Variants in PRG2 observed in about 807,000 individuals in gnomAD.
PRG2 encodes proteoglycan 2, pro eosinophil major basic protein, also known as bone marrow proteoglycan.
Under a neutral mutation model 24.7 loss-of-function variants are expected in PRG2, and 23 were observed. The observed-to-expected ratio is 0.93, with a 90% confidence interval of 0.67 to 1.32. The LOEUF (loss-of-function observed/expected upper bound fraction) is 1.32. Among genes scored for constraint, PRG2 ranks in the 40% most tolerant of loss-of-function variants. PRG2 has a pLI of 0.00. For missense variants in PRG2, 271 were observed against 280.9 expected (o/e 0.96, Z 0.25); for synonymous variants, 104 against 99.8 (o/e 1.04, Z -0.25).
Position 57,387,202 on chromosome 11 carries a change from CA to C in PRG2, c.*272del. The C allele has an allele frequency of 2.6e-6, 1 of 378,946 alleles. No homozygotes were observed. The highest frequency in any genetic ancestry group is 5.2e-5 in the East Asian group (1 of 19,356). 23.5% of individuals were successfully genotyped at this position (378,946 alleles called of 1,614,324 possible). A position where few individuals can be genotyped will look rare whatever the true frequency, so the allele number is the denominator to read the frequency against. On this transcript the variant is annotated 3_prime_UTR_variant, in exon 6 of 6. Transcript: ENST00000311862. ...CTAGCTGAGCCCATTCCTCCATCTC[CA>C]AAAGGCTCCATAGACCCAACTCCAC...
At position 57,387,821 on chromosome 11, in the gene PRG2, G is replaced by T; in HGVS notation, c.543C>A (p.Asn181Lys). ...RFQWVDGSRW[N>K]FAYWAAHQPW... ...GCTGGTGAGCAGCCCAGTATGCAAAGTTCCAGCGGCTGCCGTCAACCCACT... is the reference window on the plus strand; with the variant it reads ...GCTGGTGAGCAGCCCAGTATGCAAATTTCCAGCGGCTGCCGTCAACCCACT... Residue 181 changes from asparagine (N) to lysine (K), a missense_variant, in exon 5 of 6, where the codon AAC (asparagine) becomes AAA (lysine). By Grantham distance (94) the Asn-to-Lys change is moderately conservative. Transcript: ENST00000311862. The T allele has an allele frequency of 6.3e-7, 1 of 1,583,784 alleles. No individual in the cohort carries two copies. Among genetic ancestry groups the T allele is most frequent in the Non-Finnish European group, 8.6e-7 (1 of 1,165,330 alleles).
At chr11:57,387,891 G>A in intron 4 of PRG2, 26 bp from the exon 5 acceptor site, 1 of 1,514,718 alleles carries the variant, frequency 6.6e-7, no homozygotes, top group Non-Finnish European at 8.9e-7. Flanking sequence ...GGGGAAGAAG[G>A]GATGGGGCAG....
chr11:57,389,041 A>C lies in PRG2; in HGVS notation c.335T>G (p.Val112Gly), dbSNP rs778708743. Residue 112 changes from valine to glycine, a missense_variant, in exon 3 of 6, where the codon GTG (valine) becomes GGG (glycine). Coordinates refer to ENST00000311862, the MANE Select transcript of PRG2 (RefSeq NM_002728.6). ...TTGACTAAACGTCTGAAGACTTCTC[A>C]CCAGGAGGTAGCGGCAGGTCTGGCA... is the stretch of plus-strand genomic sequence containing the variant. ...PGCQTCRYLL[V>G]RSLQTFSQAW... is the part of the protein sequence containing the mutation. 1.8e-5 allele frequency: 29 copies of C among 1,613,972 alleles called. No homozygotes were observed. Among genetic ancestry groups the C allele is most frequent in the Non-Finnish European group, 3.4e-6 (4 of 1,180,002 alleles).
rs776467337 is a variant in PRG2, at chr11:57,388,567, C to T, written c.498+10G>A. On this transcript the variant is annotated intron_variant, in intron 4 of 5. Transcript: ENST00000311862. ...AGGTGCACCCCATTTAGTGTTCACA[C>T]TTCTCTTACCGAGCCTGTGATCCTG... 6 of 1,613,646 alleles carry T rather than the reference C, an allele frequency of 3.7e-6. No individual in the cohort carries two copies. The highest frequency in any genetic ancestry group is 2.7e-5 in the African/African-American group (2 of 74,904).
chr11:57,388,457 G>A (rs947805593), intron 4 of PRG2, 120 bp downstream of exon 4: 3 of 1,447,138 alleles, frequency 2.1e-6, no homozygotes, highest in African/African-American at 2.8e-5. Flanking sequence ...GTCTGTGGGT[G>A]TCCATCTATC....
At position 57,389,938 on chromosome 11, in the gene PRG2, G is replaced by A; in HGVS notation, c.7C>T (p.Leu3Phe). The change falls in exon 2 of 6, where the codon CTC becomes TTC. Residue 3 changes from leucine to phenylalanine, a missense_variant. Physicochemically the swap from Leu to Phe is conservative, Grantham distance 22. Transcript: ENST00000311862. ...AATAGAAGAGCCAGAAGTAAGGGGAGTTTCATCTTGGCTTTATCCTGCAAC... is the reference window on the plus strand; with the variant it reads ...AATAGAAGAGCCAGAAGTAAGGGGAATTTCATCTTGGCTTTATCCTGCAAC... MK[L>F]PLLLALLFGA... 6.2e-7 allele frequency: 1 copy of A among 1,612,086 alleles called. No homozygotes were observed. Among genetic ancestry groups the A allele is most frequent in the Non-Finnish European group, 8.5e-7 (1 of 1,178,630 alleles).
At position 57,387,008 on chromosome 11, in the gene PRG2, T is replaced by C. The variant is rs1170124387; in HGVS notation, c.*467A>G. Reference sequence around the variant, plus strand: ...TTGTGGACTGTTCCCAGGGACATGTTAACTTCCTTACATATAAAACCAACC... The same window carrying C: ...TTGTGGACTGTTCCCAGGGACATGTCAACTTCCTTACATATAAAACCAACC... On this transcript the variant is annotated 3_prime_UTR_variant, in exon 6 of 6. Transcript: ENST00000311862. 2.0e-5 allele frequency: 3 copies of C among 153,360 alleles called. No homozygotes were observed. The highest frequency in any genetic ancestry group is 6.5e-5 in the Admixed American group (1 of 15,334). The allele number at this position is 153,360 out of a possible 1,614,324, so 9.5% of individuals were successfully genotyped here.
Position 57,389,291 on chromosome 11 carries a change from G to C in PRG2, c.85C>G (p.Pro29Ala). Residue 29 changes from proline (P) to alanine (A), a missense_variant, in exon 3 of 6, where the codon CCT becomes GCT. Physicochemically the swap from Pro to Ala is conservative, Grantham distance 27 (BLOSUM62 -1). Transcript: ENST00000311862. ...TCAGGCAGCGTCTTAGCACCCAAAGGGGTCTCAAAGGTGGAAGTCTCAGAC... is the reference window on the plus strand; with the variant it reads ...TCAGGCAGCGTCTTAGCACCCAAAGCGGTCTCAAAGGTGGAAGTCTCAGAC... ...LRSETSTFET[P>A]LGAKTLPEDE... 6.2e-7 allele frequency: 1 copy of C among 1,613,110 alleles called. No homozygotes were observed. The highest frequency in any genetic ancestry group is 1.1e-5 in the South Asian group (1 of 91,080).
chr11:57,388,747 T>C (rs1565083851), intron 3 of PRG2, 39 bp from the exon 4 acceptor site: 1 of 1,607,666 alleles, frequency 6.2e-7, no homozygotes, highest in Non-Finnish European at 8.5e-7. Context: ...GGAGCATCCT[T>C]CCTACATGAA....
At position 57,388,597 on chromosome 11, in the gene PRG2, C is replaced by A. The variant is rs757730004; in HGVS notation, c.478G>T (p.Gly160Ter). The A allele has an allele frequency of 1.9e-6, 3 of 1,613,844 alleles. No individual in the cohort carries two copies. The highest frequency in any genetic ancestry group is 2.5e-6 in the Non-Finnish European group (3 of 1,179,896). ...CTTACCGAGCCTGTGATCCTGCCTC[C>A]AATCCAGACTTGACCCTGGTTGAGC... is the stretch of plus-strand genomic sequence containing the variant. The part of the protein sequence containing the change: ...SALNQGQVWI[G>*]GRITGSGRCR... The change falls in exon 4 of 6, where the codon GGA (glycine) becomes TGA (stop). Residue 160 changes from glycine (G) to a stop codon, truncating the protein, a stop_gained. Coordinates refer to ENST00000311862, the MANE Select transcript of PRG2 (RefSeq NM_002728.6). LOFTEE classifies it high-confidence loss of function.
intron 1 of PRG2, 80 bp from the exon 2 acceptor site, chr11:57,390,036 G>T: frequency 8.3e-7 from 1 of 1,204,868 alleles, no homozygotes; most frequent in Non-Finnish European, 1.2e-6. Flanking sequence ...TTAGGGGACC[G>T]TGGGAGTGAG....
In PRG2 at chr11:57,387,470, C is replaced by T. The variant is rs1176056974; in HGVS notation, c.*5G>A. 3 of 1,613,480 alleles carry T rather than the reference C, an allele frequency of 1.9e-6. No homozygotes were observed. The highest frequency in any genetic ancestry group is 2.5e-6 in the Non-Finnish European group (3 of 1,179,748). On this transcript the variant is annotated 3_prime_UTR_variant, in exon 6 of 6. Transcript: ENST00000311862. ...GGCAGCTCTGAACTGCTGGCTGGGACCAGCTCAGTAGGAACAGATGAAAGG... is the reference window on the plus strand; with the variant it reads ...GGCAGCTCTGAACTGCTGGCTGGGATCAGCTCAGTAGGAACAGATGAAAGG...
intron 3 of PRG2, 104 bp from the exon 4 acceptor site, chr11:57,388,812 A>C: frequency 6.6e-7 from 1 of 1,516,952 alleles, no homozygotes; most frequent in South Asian, 1.3e-5. Context: ...TGCCACAACC[A>C]TTTGAAGGTT....
At chr11:57,390,229 G>A (rs1039313555) in intron 1 of PRG2, among the ~76,000 whole-genome samples, 3 of 152,060 alleles carry the variant, frequency 2.0e-5, no homozygotes, top group Non-Finnish European at 2.9e-5. Context: ...GGACTATTAC[G>A]CTTATTTGTT....
chr11:57,387,215 A>AGACCCAACTCCACCCTCCATC lies in PRG2; in HGVS notation c.*239_*259dup. ...TTCCTCCATCTCCAAAAGGCTCCAT[A>AGACCCAACTCCACCCTCCATC]GACCCAACTCCACCCTCCATCCTCC... On this transcript the variant is annotated 3_prime_UTR_variant, in exon 6 of 6. Coordinates refer to ENST00000311862, the MANE Select transcript of PRG2 (RefSeq NM_002728.6). The AGACCCAACTCCACCCTCCATC allele has an allele frequency of 2.4e-6, 1 of 421,680 alleles. No homozygotes were observed. The allele number at this position is 421,680 out of a possible 1,614,324, so 26.1% of individuals were successfully genotyped here. A position where few individuals can be genotyped will look rare whatever the true frequency, so the allele number is the denominator to read the frequency against.
intron 4 of PRG2, 126 bp downstream of exon 4, chr11:57,388,451 G>T (rs192245536): frequency 8.4e-6 from 12 of 1,422,880 alleles, no homozygotes; most frequent in Non-Finnish European, 9.6e-6. Flanking sequence ...AGTGTTGTCT[G>T]TGGGTGTCCA....
chr11:57,387,898 GC>G (rs1419367939), intron 4 of PRG2, 33 bp from the exon 5 acceptor site: 2 of 1,477,930 alleles, frequency 1.4e-6, no homozygotes, highest in Non-Finnish European at 1.8e-6. Context: ...AAGGGATGGG[GC>G]AGAGGGAAGG....
intron 2 of PRG2, among the ~76,000 whole-genome samples, 183 bp from the exon 3 acceptor site, chr11:57,389,500 G>T (rs1857117476): frequency 6.6e-6 from 1 of 152,202 alleles, no homozygotes; most frequent in Non-Finnish European, 1.5e-5. Flanking sequence ...GTGGTTAAGA[G>T]CATGGACTTA....
At chr11:57,389,866 C>A in intron 2 of PRG2, 21 bp downstream of exon 2, 1 of 1,590,058 alleles carries the variant, frequency 6.3e-7, no homozygotes, top group Non-Finnish European at 8.6e-7. Context: ...GAAAGAAAGA[C>A]TGAAGGCAAA....
Sources: allele counts gnomAD v4.1 joint callset (sites outside exome capture counted in the v4.1 genomes callset), GRCh38; gene constraint gnomAD v4.1.1; transcripts MANE v1.5; gene names NCBI Gene and HGNC (gene_info 2026-07-23, HGNC 2026-07-21).